Variants in FLRT1 observed in about 807,000 individuals in gnomAD.
FLRT1 encodes leucine-rich repeat transmembrane protein FLRT1.
In FLRT1, 14 loss-of-function variants were observed where a neutral mutation model predicts 30.9. The observed-to-expected ratio is 0.45, with a 90% CI of 0.30 to 0.71. FLRT1 has a LOEUF of 0.71. Among genes scored for constraint, FLRT1 ranks in the 30% least tolerant of loss-of-function variants. The pLI, the probability that FLRT1 is intolerant of heterozygous loss-of-function variation, is 0.08. For synonymous variants in FLRT1, 368 were observed against 430.4 expected (o/e 0.85, Z 1.80); for missense variants, 737 against 949.2 (o/e 0.78, Z 2.94).
At chr11:64,055,545 G>A (rs905878114) in intron 1 of FLRT1, among the ~76,000 whole-genome samples, 6 of 152,196 alleles carry the variant, frequency 3.9e-5, no homozygotes, top group Non-Finnish European at 5.9e-5. Context: ...TTTCACTGGT[G>A]TCCTTTCCAG....
intron 1 of FLRT1, among the ~76,000 whole-genome samples, chr11:64,091,340 T>C (rs1944486235): frequency 6.6e-6 from 1 of 152,076 alleles, no homozygotes; most frequent in Admixed American, 6.5e-5. Context: ...TTCTGTCAAG[T>C]TTCCTGCCGT....
intron 1 of FLRT1, among the ~76,000 whole-genome samples, chr11:64,044,643 A>C (rs1035310365): frequency 3.3e-5 from 5 of 152,182 alleles, no homozygotes; most frequent in African/African-American, 4.8e-5. Flanking sequence ...ACACAGAGGA[A>C]GGGGAACCAC....
At chr11:64,042,672 G>A (rs1247622078) in intron 1 of FLRT1, among the ~76,000 whole-genome samples, 1 of 152,146 alleles carries the variant, frequency 6.6e-6, no homozygotes, top group Non-Finnish European at 1.5e-5. Context: ...CCGGTCCCAG[G>A]GAGATAGACA....
Position 64,117,594 on chromosome 11 carries a change from G to T in FLRT1, c.1327G>T (p.Val443Leu). The T allele has an allele frequency of 6.2e-7, 1 of 1,613,128 alleles. No homozygotes were observed. The highest frequency in any genetic ancestry group is 8.5e-7 in the Non-Finnish European group (1 of 1,179,556). Residue 443 changes from valine to leucine, a missense_variant, in exon 3 of 3, where the codon GTG (valine) becomes TTG (leucine). Coordinates refer to ENST00000682287, the MANE Select transcript of FLRT1 (RefSeq NM_013280.5). Reference sequence around the variant, plus strand: ...TGGCGCCAAGACCCTGGCCATCCACGTGAAGGCCCTGACGGCAGACTCCAT... The same window carrying T: ...TGGCGCCAAGACCCTGGCCATCCACTTGAAGGCCCTGACGGCAGACTCCAT... ...GDGAKTLAIH[V>L]KALTADSIRI... is the part of the protein sequence containing the mutation.
At chr11:64,066,226 G>T (rs1486359592) in intron 1 of FLRT1, among the ~76,000 whole-genome samples, 1 of 150,208 alleles carries the variant, frequency 6.7e-6, no homozygotes, top group Non-Finnish European at 1.5e-5. Flanking sequence ...GAACCTGGGA[G>T]GCGGAGGTTG....
In FLRT1 at chr11:64,036,180, C is replaced by CG. The variant is rs1943376403; in HGVS notation, c.-1038+26dup. The CG allele has an allele frequency of 6.6e-6, 1 of 152,096 alleles. No individual in the cohort carries two copies. The highest frequency in any genetic ancestry group is 1.5e-5 in the Non-Finnish European group (1 of 68,024). 9.4% of individuals were successfully genotyped at this position (152,096 alleles called of 1,614,324 possible). A position where few individuals can be genotyped will look rare whatever the true frequency, so the allele number is the denominator to read the frequency against. On this transcript the variant is annotated intron_variant, in intron 1 of 2. Coordinates refer to ENST00000682287, the MANE Select transcript of FLRT1 (RefSeq NM_013280.5). This position sits in a 1 kb window ranked among gnomAD's most constrained non-coding sequence, Gnocchi z 5.6. The stretch of plus-strand genomic sequence containing the variant: ...CGCAGGTAGGGCTGGCTGCACCGGG[C>CG]GGGGGTCGGGGTCCGCGCGTCTGGG...
In FLRT1 at chr11:64,036,425, C is replaced by T. The variant is rs1468345846; in HGVS notation, c.-1038+266C>T. Among the ~76,000 whole-genome samples, 2 of 152,146 alleles carry T rather than the reference C, an allele frequency of 1.3e-5. No homozygotes were observed. The highest frequency in any genetic ancestry group is 6.5e-5 in the Admixed American group (1 of 15,288). ...GGTGCGCGGCCGGCGGCTCAGCTCT[C>T]CCGAGCCGAGGCTGGAAAGGGCGGG... On this transcript the variant is annotated intron_variant, in intron 1 of 2. Transcript: ENST00000682287. This position sits in a 1 kb window ranked among gnomAD's most constrained non-coding sequence, Gnocchi z 5.6.
At chr11:64,089,320 T>C (rs1944449664) in intron 1 of FLRT1, among the ~76,000 whole-genome samples, 2 of 152,270 alleles carry the variant, frequency 1.3e-5, no homozygotes, top group East Asian at 1.9e-4. Context: ...AGTGTCCCAG[T>C]GTGCCAGGGA....
chr11:64,044,759 G>T (rs1943552924), intron 1 of FLRT1, among the ~76,000 whole-genome samples: 3 of 152,126 alleles, frequency 2.0e-5, no homozygotes, highest in Admixed American at 2.0e-4. Context: ...TTTGGTATCT[G>T]TCATGCTCCC....
intron 1 of FLRT1, among the ~76,000 whole-genome samples, chr11:64,045,355 G>T (rs562193946): frequency 6.6e-6 from 1 of 151,642 alleles, no homozygotes; most frequent in African/African-American, 2.4e-5. Context: ...ATTGTTCCCC[G>T]AGTTATGCTC....
rs775779221 is a variant in FLRT1, at chr11:64,116,501, T to C, written c.234T>C (p.Asp78=). 26 of 1,613,926 alleles carry C rather than the reference T, an allele frequency of 1.6e-5. No individual in the cohort carries two copies. The highest frequency in any genetic ancestry group is 2.1e-5 in the Non-Finnish European group (25 of 1,179,948). Residue 78 remains aspartate, a synonymous_variant, in exon 3 of 3, where the codon GAT becomes GAC. Transcript: ENST00000682287. Reference sequence around the variant, plus strand: ...GGGGACTCACATCCATCCCCGCAGATATCCCTGATGATGCCACCACCCTCT... The same window carrying C: ...GGGGACTCACATCCATCCCCGCAGACATCCCTGATGATGCCACCACCCTCT... ...NDRGLTSIPA[D]IPDDATTLYL... is the part of the protein sequence containing the mutation.
At chr11:64,105,824 C>T (rs1046690888) in intron 2 of FLRT1, among the ~76,000 whole-genome samples, 5 of 152,108 alleles carry the variant, frequency 3.3e-5, no homozygotes, top group Admixed American at 1.3e-4. Context: ...CCCACAGCTG[C>T]GGGAGGGCTC....
At chr11:64,056,950 C>G (rs1322078916) in intron 1 of FLRT1, among the ~76,000 whole-genome samples, 3 of 152,212 alleles carry the variant, frequency 2.0e-5, no homozygotes, top group Non-Finnish European at 4.4e-5. Context: ...TCCTTTGCTC[C>G]CAGCTTCCCC....
chr11:64,112,357 A>G (rs1474868344), intron 2 of FLRT1, among the ~76,000 whole-genome samples: 1 of 152,116 alleles, frequency 6.6e-6, no homozygotes, highest in East Asian at 1.9e-4. Context: ...TACTAAAAAT[A>G]CAAAAAATTA....
chr11:64,084,612 G>A (rs1028845009), intron 1 of FLRT1, among the ~76,000 whole-genome samples: 5 of 152,332 alleles, frequency 3.3e-5, no homozygotes, highest in African/African-American at 1.2e-4. Flanking sequence ...ACCCACTTAG[G>A]ACAGCGCCTA....
intron 1 of FLRT1, among the ~76,000 whole-genome samples, chr11:64,041,346 T>G (rs1233984964): frequency 1.4e-5 from 2 of 138,070 alleles, no homozygotes; most frequent in African/African-American, 5.4e-5. Context: ...CCCCCACCCC[T>G]CCACCCCCCG....
At chr11:64,086,575 C>T (rs138161439) in intron 1 of FLRT1, among the ~76,000 whole-genome samples, 198 of 152,260 alleles carry the variant, frequency 1.3e-3, no homozygotes, top group South Asian at 6.0e-3. Flanking sequence ...CTCCTGCCTC[C>T]GGGCCTTTGC....
At chr11:64,044,007 GATTCACC>G (rs1943538175) in intron 1 of FLRT1, among the ~76,000 whole-genome samples, 1 of 152,016 alleles carries the variant, frequency 6.6e-6, no homozygotes, top group South Asian at 2.1e-4. Context: ...TAGAGACGGG[GATTCACC>G]ATGTTAGGCA....
intron 1 of FLRT1, among the ~76,000 whole-genome samples, chr11:64,049,695 G>T (rs1428172835): frequency 1.3e-5 from 2 of 152,224 alleles, no homozygotes; most frequent in Non-Finnish European, 2.9e-5. Flanking sequence ...TGATCTGCGG[G>T]GCAGGCTGCA....
Sources: allele counts gnomAD v4.1 joint callset (sites outside exome capture counted in the v4.1 genomes callset), GRCh38; gene constraint gnomAD v4.1.1; non-coding constraint Gnocchi (gnomAD v3.1); transcripts MANE v1.5; gene names NCBI Gene and HGNC (gene_info 2026-07-23, HGNC 2026-07-21).